The following SHISA9 variants were observed in gnomAD, a reference collection of about 807,000 sequenced individuals.
SHISA9 encodes protein shisa-9.
SHISA9 carries 13 observed loss-of-function variants against 38.0 expected under a neutral mutation model. The observed-to-expected ratio is 0.34, with a 90% confidence interval of 0.22 to 0.54. The LOEUF is 0.54. SHISA9 is among the 20% of genes least tolerant of loss of function. SHISA9 has a pLI of 0.91. For synonymous variants in SHISA9, 275 were observed against 242.0 expected (o/e 1.14, Z -1.27); for missense variants, 538 against 575.8 (o/e 0.93, Z 0.67).
chr16:12,923,044 C>A (rs1451684475), intron 2 of SHISA9, among the ~76,000 whole-genome samples: 2 of 152,156 alleles, frequency 1.3e-5, no homozygotes, highest in African/African-American at 4.8e-5. Context: ...CCAGGCTGGT[C>A]TTGAGCTCCT....
intron 2 of SHISA9, among the ~76,000 whole-genome samples, chr16:13,020,301 C>T (rs780988892): frequency 3.2e-4 from 49 of 151,960 alleles, no homozygotes; most frequent in African/African-American, 6.3e-4. Flanking sequence ...GCTGGGATTA[C>T]AGATGTGAGC....
the SHISA9 span, among the ~76,000 whole-genome samples, chr16:13,478,531 A>G: frequency 6.6e-6 from 1 of 152,206 alleles, no homozygotes; most frequent in Non-Finnish European, 1.5e-5. Flanking sequence ...CTTGTGCATC[A>G]GTTCCTGCAG....
chr16:12,985,233 A>G (rs201106419), intron 2 of SHISA9, among the ~76,000 whole-genome samples: 1 of 127,114 alleles, frequency 7.9e-6, no homozygotes, highest in African/African-American at 3.4e-5. Flanking sequence ...AAATAAATAA[A>G]TAAATAAGTA....
intron 2 of SHISA9, among the ~76,000 whole-genome samples, chr16:13,086,821 A>AT (rs934465829): frequency 1.3e-5 from 2 of 150,332 alleles, no homozygotes; most frequent in African/African-American, 2.5e-5. Flanking sequence ...TTTATTTTTT[A>AT]TTTTTTTAAA....
the SHISA9 span, among the ~76,000 whole-genome samples, chr16:13,312,757 T>C: frequency 2.6e-5 from 4 of 152,174 alleles, no homozygotes; most frequent in African/African-American, 9.7e-5. Context: ...TCTCAACAGA[T>C]TTCCATCCTT....
chr16:13,431,221 T>A, the SHISA9 span, among the ~76,000 whole-genome samples: 1 of 152,192 alleles, frequency 6.6e-6, no homozygotes, highest in Non-Finnish European at 1.5e-5. Flanking sequence ...GGTGCCTTTT[T>A]CTCCAACTAA....
At chr16:13,555,102 C>CT in the SHISA9 span, among the ~76,000 whole-genome samples, 1 of 152,220 alleles carries the variant, frequency 6.6e-6, no homozygotes, top group East Asian at 1.9e-4. Context: ...AGGAACCTGA[C>CT]TTATCTCAGC....
chr16:13,177,074 C>A (rs1282035627), intron 2 of SHISA9, among the ~76,000 whole-genome samples: 1 of 152,054 alleles, frequency 6.6e-6, no homozygotes, highest in African/African-American at 2.4e-5. Flanking sequence ...TCAGCTCAGC[C>A]CACCATCAGG....
chr16:13,115,788 T>A (rs1032773466), intron 2 of SHISA9, among the ~76,000 whole-genome samples: 3 of 152,200 alleles, frequency 2.0e-5, no homozygotes, highest in Non-Finnish European at 4.4e-5. Flanking sequence ...ACCAGCTGAC[T>A]AGTAGCTTAC....
chr16:13,454,979 C>T, the SHISA9 span, among the ~76,000 whole-genome samples: 1 of 151,604 alleles, frequency 6.6e-6, no homozygotes, highest in African/African-American at 2.4e-5. Context: ...GCCAATCTCA[C>T]TATTGCAATC....
chr16:13,056,958 G>A (rs2073317851), intron 2 of SHISA9, among the ~76,000 whole-genome samples: 1 of 152,244 alleles, frequency 6.6e-6, no homozygotes, highest in South Asian at 2.1e-4. Flanking sequence ...TGTAGGTTTG[G>A]ATTGAACACA....
At chr16:13,373,182 G>A in the SHISA9 span, among the ~76,000 whole-genome samples, 6 of 152,090 alleles carry the variant, frequency 3.9e-5, no homozygotes, top group Admixed American at 3.3e-4. Context: ...GCCTTACCCT[G>A]CAATATGAGG....
chr16:13,196,253 TG>T (rs1440714543), intron 2 of SHISA9, among the ~76,000 whole-genome samples: 20 of 148,184 alleles, frequency 1.3e-4, no homozygotes, highest in Non-Finnish European at 2.8e-4. Context: ...AAAAATTAGC[TG>T]GGCGAGGTGG....
chr16:13,077,085 A>G (rs1157916501), intron 2 of SHISA9, among the ~76,000 whole-genome samples: 1 of 152,214 alleles, frequency 6.6e-6, no homozygotes, highest in African/African-American at 2.4e-5. Flanking sequence ...TGCCAAGGGC[A>G]AAAGTACAGT....
rs1429631667 is a variant in SHISA9, at chr16:12,901,982, T to A, written c.-83T>A. 8.3e-7 allele frequency: 1 copy of A among 1,210,654 alleles called. No homozygotes were observed. The highest frequency in any genetic ancestry group is 1.1e-6 in the Non-Finnish European group (1 of 945,856). The allele number at this position is 1,210,654 out of a possible 1,614,324, so 75.0% of individuals were successfully genotyped here. On this transcript the variant is annotated 5_prime_UTR_variant, in exon 1 of 5. Coordinates refer to ENST00000558583, the MANE Select transcript of SHISA9 (RefSeq NM_001145204.3). ...CGGCTCGCAGCTCCCGGCAGCAGCC[T>A]CGGCAGCTTCGGCCGCGCCTCGAGA...
chr16:13,079,654 T>A (rs1331485327), intron 2 of SHISA9, among the ~76,000 whole-genome samples: 1 of 152,228 alleles, frequency 6.6e-6, no homozygotes, highest in African/African-American at 2.4e-5. Flanking sequence ...GCTCTCTGTT[T>A]GATGGCATTT....
the SHISA9 span, among the ~76,000 whole-genome samples, chr16:13,491,062 A>G: frequency 6.6e-6 from 1 of 152,232 alleles, no homozygotes; most frequent in African/African-American, 2.4e-5. Context: ...AACTATGTTC[A>G]CTGAATCTTA....
At chr16:13,558,736 A>G in the SHISA9 span, among the ~76,000 whole-genome samples, 1 of 152,228 alleles carries the variant, frequency 6.6e-6, no homozygotes, top group East Asian at 1.9e-4. Flanking sequence ...TCACCAAGAA[A>G]AAGCACACAA....
chr16:13,094,371 T>A (rs1261421127), intron 2 of SHISA9, among the ~76,000 whole-genome samples: 2 of 152,164 alleles, frequency 1.3e-5, no homozygotes, highest in African/African-American at 2.4e-5. Flanking sequence ...TCTTATAAAA[T>A]CTGCTATTTT....
Sources: gnomAD v4.1 joint callset for allele counts (sites outside exome capture counted in the v4.1 genomes callset) on GRCh38, gnomAD v4.1.1 for gene constraint, MANE v1.5 for transcripts, NCBI Gene and HGNC (gene_info 2026-07-23, HGNC 2026-07-21) for gene names.